The following SNTG1 variants were observed in gnomAD, a reference collection of about 807,000 sequenced individuals.
SNTG1 encodes the protein syntrophin gamma 1, also known as gamma-1-syntrophin.
A neutral mutation model predicts 74.7 loss-of-function variants in SNTG1; 39 were observed. The observed-to-expected ratio is 0.52, with a 90% confidence interval of 0.40 to 0.68. SNTG1 has a LOEUF of 0.68. Among genes scored for constraint, SNTG1 ranks in the 30% least tolerant of loss-of-function variants. The pLI is 0.00. For missense variants in SNTG1, 685 were observed against 609.5 expected, an observed-to-expected ratio of 1.12 and a Z score of -1.30; for synonymous variants, 254 against 217.1, an observed-to-expected ratio of 1.17 and a Z score of -1.49.
At chr8:49,991,503 A>C (rs1207973678) in intron 1 of SNTG1, among the ~76,000 whole-genome samples, 1 of 152,218 alleles carries the variant, frequency 6.6e-6, no homozygotes, top group Non-Finnish European at 1.5e-5. Context: ...TATTATTCAT[A>C]ATAGCCAGAG....
chr8:50,525,912 T>G (rs1364317067), intron 9 of SNTG1, among the ~76,000 whole-genome samples: 1 of 152,090 alleles, frequency 6.6e-6, no homozygotes, highest in Non-Finnish European at 1.5e-5. Flanking sequence ...CTATTATTTT[T>G]TTTCTGGGAT....
At chr8:50,031,104 A>C (rs1327697881) in intron 1 of SNTG1, among the ~76,000 whole-genome samples, 1 of 151,974 alleles carries the variant, frequency 6.6e-6, no homozygotes, top group Admixed American at 6.6e-5. Context: ...TTATACTTTA[A>C]ATTTCTACTT....
chr8:49,944,528 T>A (rs1271973892), intron 1 of SNTG1, among the ~76,000 whole-genome samples: 1 of 125,302 alleles, frequency 8.0e-6, no homozygotes, highest in African/African-American at 3.1e-5. Flanking sequence ...AATTGAACAA[T>A]GAGAACACAT....
At chr8:50,011,255 G>A (rs113165872) in intron 1 of SNTG1, among the ~76,000 whole-genome samples, 2 of 152,138 alleles carry the variant, frequency 1.3e-5, no homozygotes, top group African/African-American at 4.8e-5. Flanking sequence ...AAAGAAGTTA[G>A]GAAATGTACC....
intron 11 of SNTG1, among the ~76,000 whole-genome samples, chr8:50,545,860 G>A (rs1361890047): frequency 6.6e-6 from 1 of 152,114 alleles, no homozygotes; most frequent in Non-Finnish European, 1.5e-5. Context: ...TAGTGGTTAT[G>A]AGAATTGTGC....
intron 1 of SNTG1, among the ~76,000 whole-genome samples, chr8:50,152,556 T>G (rs185170139): frequency 2.6e-4 from 40 of 152,334 alleles, no homozygotes; most frequent in African/African-American, 9.4e-4. Flanking sequence ...GGTTGTTCCT[T>G]TCTATGTTTA....
intron 9 of SNTG1, among the ~76,000 whole-genome samples, chr8:50,524,996 T>A (rs964488027): frequency 2.0e-5 from 3 of 152,176 alleles, no homozygotes; most frequent in African/African-American, 7.2e-5. Context: ...TGCATTTCTC[T>A]TTCTATCTAG....
chr8:49,920,620 G>A (rs1194818551), intron 1 of SNTG1, among the ~76,000 whole-genome samples: 1 of 152,034 alleles, frequency 6.6e-6, no homozygotes, highest in Non-Finnish European at 1.5e-5. Flanking sequence ...TACTAACTAA[G>A]TAACTGGAGG....
intron 17 of SNTG1, among the ~76,000 whole-genome samples, chr8:50,732,088 A>T (rs2095514206): frequency 6.6e-6 from 1 of 151,934 alleles, no homozygotes; most frequent in South Asian, 2.1e-4. Flanking sequence ...AATGTATCAA[A>T]CCTCTTTCAT....
chr8:50,253,529 C>T (rs914547055), intron 2 of SNTG1, among the ~76,000 whole-genome samples: 17 of 152,114 alleles, frequency 1.1e-4, no homozygotes, highest in African/African-American at 4.1e-4. Context: ...TTTCTGCTCT[C>T]CCATGTTAAT....
At chr8:50,169,846 C>A (rs2082743388) in intron 1 of SNTG1, among the ~76,000 whole-genome samples, 1 of 152,040 alleles carries the variant, frequency 6.6e-6, no homozygotes, top group South Asian at 2.1e-4. Context: ...GTGGTTAAGG[C>A]AGGAGGATCA....
At chr8:49,994,104 A>C (rs965857004) in intron 1 of SNTG1, among the ~76,000 whole-genome samples, 1 of 152,106 alleles carries the variant, frequency 6.6e-6, no homozygotes. Context: ...GTATATGTGT[A>C]CATACAAGTA....
intron 1 of SNTG1, among the ~76,000 whole-genome samples, chr8:50,038,762 A>G (rs1818371586): frequency 6.6e-6 from 1 of 152,214 alleles, no homozygotes; most frequent in South Asian, 2.1e-4. Context: ...TGACACAGAT[A>G]TAAAGACAGT....
At chr8:50,633,629 T>A (rs1216042786) in intron 13 of SNTG1, among the ~76,000 whole-genome samples, 1 of 152,178 alleles carries the variant, frequency 6.6e-6, no homozygotes, top group Admixed American at 6.5e-5. Context: ...AATATGAATG[T>A]TGAGGTGGGC....
chr8:50,646,243 A>C (rs1291948640), intron 13 of SNTG1, among the ~76,000 whole-genome samples: 3 of 152,190 alleles, frequency 2.0e-5, no homozygotes, highest in African/African-American at 7.2e-5. Context: ...TTATAACATA[A>C]TTAGATGGCC....
chr8:50,569,399 G>GAA (rs370525586), intron 12 of SNTG1, among the ~76,000 whole-genome samples: 3 of 140,238 alleles, frequency 2.1e-5, no homozygotes, highest in East Asian at 2.1e-4. Flanking sequence ...GTGCAGAAGT[G>GAA]AAAAAAAAAA....
intron 18 of SNTG1, among the ~76,000 whole-genome samples, chr8:50,774,695 T>C (rs539047752): frequency 1.4e-4 from 21 of 151,842 alleles, no homozygotes; most frequent in African/African-American, 5.1e-4. Context: ...TGCATTTTTA[T>C]TGGTGTTTTA....
intron 4 of SNTG1, among the ~76,000 whole-genome samples, chr8:50,405,892 A>G (rs2092868688): frequency 1.3e-5 from 2 of 152,108 alleles, no homozygotes; most frequent in African/African-American, 4.8e-5. Context: ...CCGTATATAT[A>G]AGGGGGTATT....
chr8:50,628,325 C>A (rs960824196), intron 13 of SNTG1, among the ~76,000 whole-genome samples: 2 of 151,980 alleles, frequency 1.3e-5, no homozygotes, highest in African/African-American at 4.8e-5. Flanking sequence ...TCCAATTTCA[C>A]TATTCTTGAA....
Sources: gnomAD v4.1 joint callset for allele counts (sites outside exome capture counted in the v4.1 genomes callset) on GRCh38, gnomAD v4.1.1 for gene constraint, MANE v1.5 for transcripts, NCBI Gene and HGNC (gene_info 2026-07-23, HGNC 2026-07-21) for gene names.